Variants in RALGAPA1 observed in about 807,000 individuals in gnomAD.
The protein encoded by RALGAPA1 is ral GTPase-activating protein subunit alpha-1.
In RALGAPA1, 52 loss-of-function variants were observed where a neutral mutation model predicts 269.6. The observed-to-expected ratio is 0.19, with a 90% confidence interval of 0.15 to 0.24. The LOEUF (loss-of-function observed/expected upper bound fraction) is 0.24, where lower values mean the gene tolerates loss of function less well. Ranked by LOEUF, RALGAPA1 falls within the 10% of genes least tolerant of loss-of-function variation. The pLI is 1.00. For missense variants in RALGAPA1, 1,917 were observed against 3,013.9 expected (o/e 0.64, Z 8.52); for synonymous variants, 817 against 1,008.3 (o/e 0.81, Z 3.60).
intron 39 of RALGAPA1, among the ~76,000 whole-genome samples, chr14:35,553,953 T>C (rs560536679): frequency 2.0e-5 from 3 of 152,358 alleles, no homozygotes; most frequent in Non-Finnish European, 4.4e-5. Flanking sequence ...CATATATTTC[T>C]ATGGCTTCTT....
At chr14:35,666,017 CTT>C (rs60498434) in intron 26 of RALGAPA1, among the ~76,000 whole-genome samples, 4 of 144,582 alleles carry the variant, frequency 2.8e-5, no homozygotes, top group African/African-American at 2.5e-5. Flanking sequence ...GTGTTTCCTC[CTT>C]TTTTTTTTTT....
chr14:35,706,172 T>C (rs2067786071), intron 16 of RALGAPA1, among the ~76,000 whole-genome samples: 1 of 152,258 alleles, frequency 6.6e-6, no homozygotes, highest in South Asian at 2.1e-4. Flanking sequence ...TTTTCTTTCA[T>C]GAATTTTATT....
intron 4 of RALGAPA1, chr14:35,767,007 T>G (rs1393885588): frequency 5.8e-5 from 21 of 363,186 alleles, no homozygotes; most frequent in Non-Finnish European, 5.4e-6. Flanking sequence ...GCCAGATGGC[T>G]TGAAAAACAA....
chr14:35,572,383 A>C (rs1454258731), intron 38 of RALGAPA1, among the ~76,000 whole-genome samples, 177 bp downstream of exon 38: 1 of 152,186 alleles, frequency 6.6e-6, no homozygotes, highest in Non-Finnish European at 1.5e-5. Flanking sequence ...ATTCTGTTTT[A>C]GCTCCTTCTG....
At chr14:35,797,929 C>G (rs1353905672) in intron 1 of RALGAPA1, among the ~76,000 whole-genome samples, 1 of 151,028 alleles carries the variant, frequency 6.6e-6, no homozygotes, top group Non-Finnish European at 1.5e-5. Flanking sequence ...CTAGAGTGCA[C>G]TGACATGATC....
At chr14:35,655,304 C>A (rs1822501217) in intron 29 of RALGAPA1, among the ~76,000 whole-genome samples, 1 of 151,920 alleles carries the variant, frequency 6.6e-6, no homozygotes, top group Admixed American at 6.6e-5. Context: ...TATCATGCAT[C>A]CTTTCATAAA....
In RALGAPA1 at chr14:35,639,747, G is replaced by A. The variant is rs145223377; in HGVS notation, c.5677-4149C>T. Reference sequence around the variant, plus strand: ...GAGGTCAGGAGATTGAGACCATCCTGGCTAAGACGGTGAAACCCCGTCTCT... The same window carrying A: ...GAGGTCAGGAGATTGAGACCATCCTAGCTAAGACGGTGAAACCCCGTCTCT... On this transcript the variant is annotated intron_variant, in intron 31 of 41. Coordinates refer to ENST00000680220, the MANE Select transcript of RALGAPA1 (RefSeq NM_001346249.2). Among the ~76,000 whole-genome samples the A allele has an allele frequency of 6.5e-4, 99 of 152,120 alleles. 1 individual carries two copies. Among genetic ancestry groups the A allele is most frequent in the Middle Eastern group, 3.4e-3 (1 of 292 alleles).
intron 1 of RALGAPA1, among the ~76,000 whole-genome samples, chr14:35,788,958 C>A (rs1474122096): frequency 6.6e-6 from 1 of 152,084 alleles, no homozygotes; most frequent in Admixed American, 6.6e-5. Context: ...ATAATATTTA[C>A]TGAACACTGA....
At chr14:35,558,087 C>T (rs1023922553) in intron 39 of RALGAPA1, among the ~76,000 whole-genome samples, 23 of 151,468 alleles carry the variant, frequency 1.5e-4, no homozygotes, top group African/African-American at 3.4e-4. Flanking sequence ...TAAATATCAG[C>T]GCATACAATA....
chr14:35,557,098 A>ATGTGTGTGTGTGTGTGTGTGTGTG (rs56835063), intron 39 of RALGAPA1, among the ~76,000 whole-genome samples: 1 of 142,430 alleles, frequency 7.0e-6, no homozygotes, highest in African/African-American at 2.5e-5. Context: ...TCCAATATGT[A>ATGTGTGTGTGTGTGTGTGTGTGTG]TGTGTGTGTG....
chr14:35,686,613 C>T lies in RALGAPA1; in HGVS notation c.4006G>A (p.Gly1336Ser), dbSNP rs142557972. The T allele has an allele frequency of 3.2e-5, 51 of 1,608,084 alleles. 1 individual carries two copies. The highest frequency in any genetic ancestry group is 2.0e-4 in the Middle Eastern group (1 of 5,044). The change falls in exon 19 of 42, where the codon GGC (glycine) becomes AGC (serine). Residue 1336 changes from glycine (G) to serine (S), a missense_variant. Transcript: ENST00000680220. ...KLPPLNSDIG[G>S]SSANVPDLMD... ...AGATCAGGAACATTAGCACTGCTGCCGCCAATATCACTATTAAGAGGAGGC... is the reference window on the plus strand; with the variant it reads ...AGATCAGGAACATTAGCACTGCTGCTGCCAATATCACTATTAAGAGGAGGC...
At position 35,684,914 on chromosome 14, in the gene RALGAPA1, A is replaced by T; in HGVS notation, c.4294+15T>A. ...TCAACATAAAACATAGTATTCAAAT[A>T]GAAAAGATACTTGCTGTCAAATTTT... On this transcript the variant is annotated intron_variant, in intron 20 of 41. Coordinates refer to ENST00000680220, the MANE Select transcript of RALGAPA1 (RefSeq NM_001346249.2). 1 of 1,609,980 alleles carries T rather than the reference A, an allele frequency of 6.2e-7. No individual in the cohort carries two copies. Among genetic ancestry groups the T allele is most frequent in the Non-Finnish European group, 8.5e-7 (1 of 1,178,470 alleles).
At chr14:35,713,326 A>G (rs2068525992) in intron 16 of RALGAPA1, among the ~76,000 whole-genome samples, 1 of 152,174 alleles carries the variant, frequency 6.6e-6, no homozygotes, top group Non-Finnish European at 1.5e-5. Flanking sequence ...GGGATATAGG[A>G]GAGAGAGAAG....
At chr14:35,690,583 C>G (rs1280016212) in intron 17 of RALGAPA1, among the ~76,000 whole-genome samples, 1 of 152,062 alleles carries the variant, frequency 6.6e-6, no homozygotes, top group Admixed American at 6.5e-5. Context: ...TACTTTATTA[C>G]GTATTAAAAT....
At chr14:35,542,633 C>G (rs965457969) in intron 41 of RALGAPA1, 21 of 152,184 alleles carry the variant, frequency 1.4e-4, no homozygotes, top group African/African-American at 4.8e-4. Flanking sequence ...TAACAACCTA[C>G]ATTTCATTTC....
intron 10 of RALGAPA1, among the ~76,000 whole-genome samples, chr14:35,746,136 T>G (rs1280783789): frequency 6.6e-6 from 1 of 152,154 alleles, no homozygotes; most frequent in Non-Finnish European, 1.5e-5. Context: ...CAGACATTAT[T>G]CTAAGTGAAA....
chr14:35,614,841 A>T (rs1443358623), intron 35 of RALGAPA1, among the ~76,000 whole-genome samples: 1 of 152,148 alleles, frequency 6.6e-6, no homozygotes, highest in Non-Finnish European at 1.5e-5. Flanking sequence ...CTCATAAATA[A>T]TAATTTATAA....
intron 31 of RALGAPA1, among the ~76,000 whole-genome samples, chr14:35,639,403 T>C (rs185290940): frequency 2.6e-5 from 4 of 152,328 alleles, no homozygotes; most frequent in South Asian, 4.1e-4. Context: ...GACATTGGAC[T>C]TAATGTGCAG....
chr14:35,670,474 C>T (rs2064310690), intron 26 of RALGAPA1, among the ~76,000 whole-genome samples: 1 of 152,166 alleles, frequency 6.6e-6, no homozygotes, highest in Non-Finnish European at 1.5e-5. Flanking sequence ...GTTACTCATT[C>T]CTTCCTTAGG....
Sources: allele counts gnomAD v4.1 joint callset (sites outside exome capture counted in the v4.1 genomes callset), GRCh38; gene constraint gnomAD v4.1.1; transcripts MANE v1.5; gene names NCBI Gene and HGNC (gene_info 2026-07-23, HGNC 2026-07-21).